Variants in ST3GAL3 observed in about 807,000 individuals in gnomAD.
ST3GAL3 encodes CMP-N-acetylneuraminate-beta-1,4-galactoside alpha-2,3-sialyltransferase.
ST3GAL3 carries 21 observed loss-of-function variants against 50.1 expected under a neutral mutation model. That is an observed-to-expected ratio of 0.42 (90% CI 0.30 to 0.60). ST3GAL3 has a LOEUF of 0.60. ST3GAL3 is among the 20% of genes least tolerant of loss of function. ST3GAL3 has a pLI of 0.19. For missense variants in ST3GAL3, 353 were observed against 489.4 expected (o/e 0.72, Z 2.63); for synonymous variants, 183 against 190.0 (o/e 0.96, Z 0.30).
intron 5 of ST3GAL3, among the ~76,000 whole-genome samples, chr1:43,854,051 C>T (rs1353573924): frequency 6.6e-6 from 1 of 152,134 alleles, no homozygotes; most frequent in East Asian, 1.9e-4. Context: ...ACTACAACAC[C>T]AGGGAGGGGT....
intron 1 of ST3GAL3, among the ~76,000 whole-genome samples, chr1:43,734,297 C>CTTTTTTTTTTTTTTTTTTTTTTTT (rs751937263): frequency 7.9e-5 from 9 of 114,422 alleles, no homozygotes; most frequent in South Asian, 3.0e-4. Context: ...TCTTCTTCTT[C>CTTTTTTTTTTTTTTTTTTTTTTTT]TTTTTTTTTT....
chr1:43,717,065 C>T (rs1324231344), intron 1 of ST3GAL3, among the ~76,000 whole-genome samples: 2 of 152,344 alleles, frequency 1.3e-5, no homozygotes, highest in East Asian at 3.9e-4. Flanking sequence ...TGTAATCCCT[C>T]TCCTGCCCTT....
chr1:43,875,983 T>A (rs1418931911), intron 5 of ST3GAL3, among the ~76,000 whole-genome samples: 5 of 148,230 alleles, frequency 3.4e-5, no homozygotes, highest in African/African-American at 1.0e-4. Context: ...TATTATTATT[T>A]TTGAGACAGG....
intron 3 of ST3GAL3, among the ~76,000 whole-genome samples, chr1:43,796,357 A>G (rs150852039): frequency 2.6e-5 from 4 of 152,364 alleles, no homozygotes; most frequent in Non-Finnish European, 4.4e-5. Flanking sequence ...AGCAAAGGGA[A>G]AGGGAGCTCA....
chr1:43,879,267 A>G, intron 5 of ST3GAL3: 1 of 456,162 alleles, frequency 2.2e-6, no homozygotes, highest in Admixed American at 2.3e-5. Flanking sequence ...AAGGAGGAGG[A>G]TCTGGGGTGA....
chr1:43,836,356 G>C (rs1425025239), intron 4 of ST3GAL3, among the ~76,000 whole-genome samples: 1 of 152,204 alleles, frequency 6.6e-6, no homozygotes, highest in Non-Finnish European at 1.5e-5. Context: ...TGCATTTCAG[G>C]CTTTGAATTT....
At chr1:43,817,769 TTC>T (rs377712798) in intron 4 of ST3GAL3, among the ~76,000 whole-genome samples, 27,183 of 83,216 alleles carry the variant, frequency 0.33, 6,242 homozygotes, top group East Asian at 0.61. Context: ...CTTCCTCTTC[TTC>T]TTCTCCTCCT....
At chr1:43,752,435 C>G (rs185646671) in intron 2 of ST3GAL3, among the ~76,000 whole-genome samples, 7 of 152,348 alleles carry the variant, frequency 4.6e-5, no homozygotes, top group Admixed American at 4.6e-4. Context: ...GCCCCTGATT[C>G]ACCCACCTGT....
intron 1 of ST3GAL3, among the ~76,000 whole-genome samples, chr1:43,715,727 G>T (rs1011318564): frequency 2.0e-5 from 3 of 152,214 alleles, no homozygotes; most frequent in African/African-American, 7.2e-5. Flanking sequence ...GGTTGAGGCT[G>T]CAATGAGCTG....
intron 2 of ST3GAL3, among the ~76,000 whole-genome samples, chr1:43,791,177 A>G (rs1388461982): frequency 6.6e-6 from 1 of 152,096 alleles, no homozygotes; most frequent in East Asian, 1.9e-4. Flanking sequence ...CCTATCCAGT[A>G]CCCACTCCCC....
chr1:43,789,918 T>C (rs982095525), intron 2 of ST3GAL3, among the ~76,000 whole-genome samples: 6 of 151,932 alleles, frequency 3.9e-5, no homozygotes, highest in African/African-American at 1.4e-4. Context: ...TAGACATTGA[T>C]TGTATGAGAT....
intron 5 of ST3GAL3, among the ~76,000 whole-genome samples, chr1:43,883,206 C>T (rs149603163): frequency 6.6e-6 from 1 of 152,230 alleles, no homozygotes; most frequent in Non-Finnish European, 1.5e-5. Context: ...TAGGTTCAAA[C>T]AGTTCTCCCA....
At position 43,736,271 on chromosome 1, in the gene ST3GAL3, C is replaced by A; in HGVS notation, c.9C>A (p.Leu3=). 2 of 1,614,130 alleles carry A rather than the reference C, an allele frequency of 1.2e-6. No homozygotes were observed. The highest frequency in any genetic ancestry group is 1.1e-5 in the South Asian group (1 of 91,084). MG[L]LVFVRNLLLA... is the part of the protein sequence containing the mutation. ...TCGTAAATCATGTGAAGATGGGACT[C>A]TTGGTATTTGTGCGCAATCTGCTGC... Residue 3 remains leucine (L), a synonymous_variant, in exon 2 of 12, where the codon CTC becomes CTA. Coordinates refer to ENST00000347631, the MANE Select transcript of ST3GAL3 (RefSeq NM_006279.5).
At position 43,857,796 on chromosome 1, in the gene ST3GAL3, A is replaced by T. The variant is rs199721353; in HGVS notation, c.302+19485A>T. ...ATGTCCAGCTAATTTTTGTATCTTT[A>T]GTAGAAGCGGGGTTTCACCATGATG... On this transcript the variant is annotated intron_variant, in intron 5 of 11. Coordinates refer to ENST00000347631, the MANE Select transcript of ST3GAL3 (RefSeq NM_006279.5). 1.1e-4 allele frequency among the ~76,000 whole-genome samples: 16 copies of T among 152,118 alleles called. No homozygotes were observed. In the East Asian group the frequency reaches 1.9e-3, roughly 18 times the overall value.
chr1:43,748,523 A>C (rs1255081171), intron 2 of ST3GAL3, among the ~76,000 whole-genome samples: 1 of 139,604 alleles, frequency 7.2e-6, no homozygotes, highest in East Asian at 2.1e-4. Flanking sequence ...CAACCTCCCC[A>C]GCTTAAGCAA....
intron 9 of ST3GAL3, among the ~76,000 whole-genome samples, chr1:43,904,918 CCCG>C (rs2078968565): frequency 1.4e-4 from 1 of 7,192 alleles, no homozygotes; most frequent in Non-Finnish European, 2.9e-4. Context: ...TGCTCCTCTT[CCCG>C]CCACTCTTCC....
At chr1:43,815,310 T>C (rs72886870) in intron 4 of ST3GAL3, among the ~76,000 whole-genome samples, 6,382 of 152,232 alleles carry the variant, frequency 0.042, 457 homozygotes, top group African/African-American at 0.15. Context: ...CACAGCCTTC[T>C]GTGATCACTC....
intron 2 of ST3GAL3, among the ~76,000 whole-genome samples, chr1:43,787,141 C>T (rs2057447234): frequency 1.3e-5 from 2 of 152,196 alleles, no homozygotes; most frequent in South Asian, 4.1e-4. Flanking sequence ...CCTCATTGAA[C>T]AAAGTCATGT....
chr1:43,807,614 C>A (rs1052526566), intron 3 of ST3GAL3, among the ~76,000 whole-genome samples: 1 of 151,996 alleles, frequency 6.6e-6, no homozygotes, highest in Admixed American at 6.6e-5. Flanking sequence ...CACAGAGCAT[C>A]TATTAGACAG....
Sources: gnomAD v4.1 joint callset for allele counts (sites outside exome capture counted in the v4.1 genomes callset) on GRCh38, gnomAD v4.1.1 for gene constraint, MANE v1.5 for transcripts, NCBI Gene and HGNC (gene_info 2026-07-23, HGNC 2026-07-21) for gene names.